Variants in KCNQ3 observed in about 807,000 individuals in gnomAD.
The protein encoded by KCNQ3 is potassium voltage-gated channel subfamily Q member 3.
A neutral mutation model predicts 92.5 loss-of-function variants in KCNQ3; 30 were observed. That is an observed-to-expected ratio of 0.32 (90% confidence interval 0.24 to 0.44). KCNQ3 has a LOEUF of 0.44. KCNQ3 is among the 20% of genes least tolerant of loss of function. The pLI is 1.00. For missense variants in KCNQ3, 913 were observed against 1,140.3 expected, an observed-to-expected ratio of 0.80 and a Z score of 2.87; for synonymous variants, 450 against 468.8, an observed-to-expected ratio of 0.96 and a Z score of 0.52.
At chr8:132,345,839 A>G (rs1818671564) in intron 1 of KCNQ3, among the ~76,000 whole-genome samples, 1 of 152,088 alleles carries the variant, frequency 6.6e-6, no homozygotes, top group Admixed American at 6.6e-5. Flanking sequence ...GATGACTGAT[A>G]ATGATGATGA....
At chr8:132,478,522 G>T (rs1464120) in intron 1 of KCNQ3, among the ~76,000 whole-genome samples, 138,612 of 152,248 alleles carry the variant, frequency 0.91, 63,153 homozygotes, top group East Asian at 0.92. Flanking sequence ...GACAGAGAGA[G>T]GAATGTATTT....
intron 1 of KCNQ3, among the ~76,000 whole-genome samples, chr8:132,456,726 C>T (rs1480961474): frequency 6.6e-6 from 1 of 151,974 alleles, no homozygotes; most frequent in Non-Finnish European, 1.5e-5. Context: ...ATTCTCCTGC[C>T]TCAGCCTCCT....
chr8:132,262,726 C>T (rs1262858363), intron 1 of KCNQ3, among the ~76,000 whole-genome samples: 1 of 151,540 alleles, frequency 6.6e-6, no homozygotes. Context: ...CTTTGGGTCC[C>T]CTATGACACC....
At chr8:132,382,081 G>A (rs1001899482) in intron 1 of KCNQ3, among the ~76,000 whole-genome samples, 1 of 152,248 alleles carries the variant, frequency 6.6e-6, no homozygotes, top group African/African-American at 2.4e-5. Context: ...GGGCAGGCTG[G>A]CCAGAAGGCA....
chr8:132,130,890 C>T (rs1824858085), intron 14 of KCNQ3, among the ~76,000 whole-genome samples: 1 of 152,190 alleles, frequency 6.6e-6, no homozygotes, highest in Non-Finnish European at 1.5e-5. Context: ...CTTGCTTTGA[C>T]AATTCACAAC....
At chr8:132,142,533 G>A (rs183257317) in intron 9 of KCNQ3, among the ~76,000 whole-genome samples, 5 of 152,244 alleles carry the variant, frequency 3.3e-5, no homozygotes, top group African/African-American at 9.6e-5. Flanking sequence ...TAGTGAGCAC[G>A]AAGGATAAAG....
intron 1 of KCNQ3, among the ~76,000 whole-genome samples, chr8:132,429,048 G>A (rs1238472888): frequency 6.6e-6 from 1 of 152,198 alleles, no homozygotes; most frequent in African/African-American, 2.4e-5. Flanking sequence ...TTGGCACTTG[G>A]AGCAATGCCA....
At chr8:132,373,557 G>A (rs1017737490) in intron 1 of KCNQ3, among the ~76,000 whole-genome samples, 1 of 152,082 alleles carries the variant, frequency 6.6e-6, no homozygotes, top group Non-Finnish European at 1.5e-5. Flanking sequence ...TTGACTCAGA[G>A]GAAACTGAGG....
intron 1 of KCNQ3, among the ~76,000 whole-genome samples, chr8:132,335,351 T>C (rs1274335539): frequency 2.6e-5 from 4 of 152,204 alleles, no homozygotes; most frequent in African/African-American, 9.7e-5. Flanking sequence ...TCTTAGACAT[T>C]TTTCAATGAC....
intron 1 of KCNQ3, among the ~76,000 whole-genome samples, chr8:132,273,482 G>A (rs1056203346): frequency 1.3e-5 from 2 of 152,184 alleles, no homozygotes; most frequent in African/African-American, 2.4e-5. Flanking sequence ...CTAGGCCTCT[G>A]GGCCTGTGAT....
chr8:132,473,162 T>C (rs542177881), intron 1 of KCNQ3, among the ~76,000 whole-genome samples: 64 of 152,124 alleles, frequency 4.2e-4, no homozygotes, highest in African/African-American at 1.4e-3. Flanking sequence ...GAGAGATTAG[T>C]GGGATGAAAA....
chr8:132,412,795 T>A (rs1554652676), intron 1 of KCNQ3, among the ~76,000 whole-genome samples: 1 of 152,190 alleles, frequency 6.6e-6, no homozygotes, highest in Non-Finnish European at 1.5e-5. Context: ...TGGGGCCACA[T>A]ACAATGTCTA....
At chr8:132,254,080 A>G (rs1218382681) in intron 1 of KCNQ3, among the ~76,000 whole-genome samples, 1 of 152,248 alleles carries the variant, frequency 6.6e-6, no homozygotes, top group Non-Finnish European at 1.5e-5. Flanking sequence ...AGTGATCAAC[A>G]TCACCTTGGA....
chr8:132,140,038 G>A (rs773964714), intron 11 of KCNQ3, 38 bp downstream of exon 11: 2 of 1,370,932 alleles, frequency 1.5e-6, no homozygotes, highest in Admixed American at 4.2e-5. Context: ...TGGAGCGGGG[G>A]AGGCACACAG....
chr8:132,408,028 TCTAGTTTATTA>T (rs1438498856), intron 1 of KCNQ3, among the ~76,000 whole-genome samples: 3 of 152,188 alleles, frequency 2.0e-5, no homozygotes, highest in East Asian at 1.9e-4. Flanking sequence ...CATAAATTAA[TCTAGTTTATTA>T]CTAGTTTATT....
At chr8:132,435,126 C>G (rs561717942) in intron 1 of KCNQ3, among the ~76,000 whole-genome samples, 1 of 152,320 alleles carries the variant, frequency 6.6e-6, no homozygotes, top group African/African-American at 2.4e-5. Flanking sequence ...AGCCCCTACA[C>G]TGACAGTTAA....
chr8:132,438,707 GAC>G (rs1821457505), intron 1 of KCNQ3, among the ~76,000 whole-genome samples: 1 of 152,062 alleles, frequency 6.6e-6, no homozygotes. Flanking sequence ...TGTGGAAAGA[GAC>G]AGCGAGACTG....
At chr8:132,320,933 C>A (rs1243033926) in intron 1 of KCNQ3, among the ~76,000 whole-genome samples, 1 of 152,130 alleles carries the variant, frequency 6.6e-6, no homozygotes, top group Non-Finnish European at 1.5e-5. Context: ...CTCTAGCTGC[C>A]CACTGGAATC....
Position 132,128,448 on chromosome 8 carries a change from C to T in KCNQ3, c.*814G>A, listed in dbSNP as rs890436746. 6.6e-6 allele frequency: 1 copy of T among 152,022 alleles called. No homozygotes were observed. The highest frequency in any genetic ancestry group is 1.5e-5 in the Non-Finnish European group (1 of 68,040). 9.4% of individuals were successfully genotyped at this position (152,022 alleles called of 1,614,324 possible). ...AGCTCCTGCCCAGAGGGGCACTTCACTTCTGATAAATTCCATTGTCCTTGG... is the reference window on the plus strand; with the variant it reads ...AGCTCCTGCCCAGAGGGGCACTTCATTTCTGATAAATTCCATTGTCCTTGG... On this transcript the variant is annotated 3_prime_UTR_variant, in exon 15 of 15. Transcript: ENST00000388996.
Sources: gnomAD v4.1 joint callset for allele counts (sites outside exome capture counted in the v4.1 genomes callset) on GRCh38, gnomAD v4.1.1 for gene constraint, MANE v1.5 for transcripts, NCBI Gene and HGNC (gene_info 2026-07-23, HGNC 2026-07-21) for gene names.